The following CA12 variants were observed in gnomAD, a reference collection of about 807,000 sequenced individuals.
CA12 encodes carbonic anhydrase 12, also known as carbonate dehydratase XII.
CA12 carries 36 observed loss-of-function variants against 46.8 expected under a neutral mutation model. The observed-to-expected ratio is 0.77, with a 90% CI of 0.59 to 1.02. The LOEUF is 1.02. Among genes scored for constraint, CA12 ranks in the 50% least tolerant of loss-of-function variants. The probability of loss-of-function intolerance (pLI) is 0.00; values close to 1 mark genes in which losing one functional copy is unlikely to be tolerated. For synonymous variants in CA12, 202 were observed against 187.0 expected, an observed-to-expected ratio of 1.08 and a Z score of -0.65; for missense variants, 436 against 451.4, an observed-to-expected ratio of 0.97 and a Z score of 0.31.
At position 63,329,354 on chromosome 15, in the gene CA12, G is replaced by A. The variant is rs940807526; in HGVS notation, c.875-1224C>T. The stretch of plus-strand genomic sequence containing the variant: ...CCCAGCTACCTAAGTCTCACAGTCA[G>A]CCTACTAGCCACCTCCTGGGGGGAA... On this transcript the variant is annotated intron_variant, in intron 8 of 10. Transcript: ENST00000178638. This position sits in a 1 kb window ranked among gnomAD's most constrained non-coding sequence, Gnocchi z 4.8. 3.3e-5 allele frequency among the ~76,000 whole-genome samples: 5 copies of A among 152,114 alleles called. No homozygotes were observed. Among genetic ancestry groups the A allele is most frequent in the Admixed American group, 3.3e-4 (5 of 15,282 alleles).
At chr15:63,370,640 G>C (rs1452762300) in intron 2 of CA12, among the ~76,000 whole-genome samples, 1 of 151,632 alleles carries the variant, frequency 6.6e-6, no homozygotes, top group Admixed American at 6.6e-5. Flanking sequence ...GGGCGTGGTG[G>C]TGGGTGCCTG....
intron 1 of CA12, among the ~76,000 whole-genome samples, chr15:63,381,190 T>C (rs1429655814): frequency 1.3e-5 from 2 of 152,126 alleles, no homozygotes; most frequent in Non-Finnish European, 2.9e-5. Context: ...AAAGATCCTC[T>C]CCTCCAAAGA....
intron 7 of CA12, 32 bp from the exon 8 acceptor site, chr15:63,338,977 A>G: frequency 6.2e-7 from 1 of 1,613,860 alleles, no homozygotes; most frequent in Non-Finnish European, 8.5e-7. Flanking sequence ...GCCCGCAGGC[A>G]GAATGACCTC....
At chr15:63,367,260 A>G (rs980426753) in intron 2 of CA12, among the ~76,000 whole-genome samples, 1 of 152,206 alleles carries the variant, frequency 6.6e-6, no homozygotes, top group African/African-American at 2.4e-5. Flanking sequence ...AGAAGAATAG[A>G]CATTTGCTCA....
At chr15:63,375,609 C>A (rs954944023) in intron 2 of CA12, 49 bp downstream of exon 2, 2 of 1,217,938 alleles carry the variant, frequency 1.6e-6, no homozygotes, top group African/African-American at 3.0e-5. Context: ...TTAAATACAA[C>A]CATTTCTATT....
At chr15:63,353,437 C>T (rs750159096) in intron 2 of CA12, among the ~76,000 whole-genome samples, 1 of 152,170 alleles carries the variant, frequency 6.6e-6, no homozygotes, top group Non-Finnish European at 1.5e-5. Flanking sequence ...TGGGATCCAT[C>T]CGGCCTCCCT....
At chr15:63,332,892 C>T (rs12908050) in intron 8 of CA12, among the ~76,000 whole-genome samples, 6,646 of 152,278 alleles carry the variant, frequency 0.044, 191 homozygotes, top group Middle Eastern at 0.065. Context: ...AAATGAGTAA[C>T]ACGTCAGTCA....
In CA12 at chr15:63,372,094, C is replaced by T. The variant is rs996425687; in HGVS notation, c.106+3564G>A. Among the ~76,000 whole-genome samples, 11 of 152,212 alleles carry T rather than the reference C, an allele frequency of 7.2e-5. No homozygotes were observed. The highest frequency in any genetic ancestry group is 7.3e-5 in the Non-Finnish European group (5 of 68,036). On this transcript the variant is annotated intron_variant, in intron 2 of 10. Coordinates refer to ENST00000178638, the MANE Select transcript of CA12 (RefSeq NM_001218.5). This position sits in a 1 kb window ranked among gnomAD's most constrained non-coding sequence, Gnocchi z 4.5. ...GCCCACAACCCTTCCTGCCTCCTTC[C>T]GGTCATCTTCATCCCCCACAGGGCA...
intron 2 of CA12, among the ~76,000 whole-genome samples, chr15:63,356,334 C>T (rs1048974361): frequency 6.6e-6 from 1 of 152,010 alleles, no homozygotes; most frequent in East Asian, 1.9e-4. Flanking sequence ...TGGAGGTTGC[C>T]GTAAGCTGAG....
chr15:63,361,517 T>C (rs2039363559), intron 2 of CA12, among the ~76,000 whole-genome samples: 1 of 152,072 alleles, frequency 6.6e-6, no homozygotes. Context: ...CTGCTAAGGA[T>C]CCTGCAATGT....
Position 63,348,426 on chromosome 15 carries a change from C to A in CA12, c.107-1717G>T, listed in dbSNP as rs1465783910. The stretch of plus-strand genomic sequence containing the variant: ...ATTCAGCTGGGGGCCAAACCGAATG[C>A]TTTAGGGGCAGCGGGGAGCAGAATG... On this transcript the variant is annotated intron_variant, in intron 2 of 10. Transcript: ENST00000178638. The surrounding 1 kb of genome is among the most constrained non-coding windows in gnomAD (Gnocchi z 4.6). Among the ~76,000 whole-genome samples the A allele has an allele frequency of 6.6e-6, 1 of 152,118 alleles. No individual in the cohort carries two copies. Among genetic ancestry groups the A allele is most frequent in the African/African-American group, 2.4e-5 (1 of 41,426 alleles).
intron 2 of CA12, among the ~76,000 whole-genome samples, chr15:63,357,219 A>G (rs776566771): frequency 6.6e-6 from 1 of 152,204 alleles, no homozygotes; most frequent in Non-Finnish European, 1.5e-5. Context: ...TGAGTGCACA[A>G]TCAGAATCTC....
rs1236370049 is a variant in CA12 at position 63,355,918 on chromosome 15, TC to T, written c.107-9210del. 6.6e-6 allele frequency among the ~76,000 whole-genome samples: 1 copy of T among 152,180 alleles called. No homozygotes were observed. Among genetic ancestry groups the T allele is most frequent in the East Asian group, 1.9e-4 (1 of 5,194 alleles). On this transcript the variant is annotated intron_variant, in intron 2 of 10. Transcript: ENST00000178638. This position sits in a 1 kb window ranked among gnomAD's most constrained non-coding sequence, Gnocchi z 4.1. ...AATATTCAAATAGGGGGCTCCAGGC[TC>T]AGGCAACGACTGGTAACCATCTCTG... is the stretch of plus-strand genomic sequence containing the variant.
At chr15:63,334,374 G>A (rs150490444) in intron 8 of CA12, among the ~76,000 whole-genome samples, 1 of 145,436 alleles carries the variant, frequency 6.9e-6, no homozygotes, top group African/African-American at 2.6e-5. Flanking sequence ...TCCTGCCTCA[G>A]CCTCCACAGT....
At chr15:63,360,107 G>A (rs1338055828) in intron 2 of CA12, among the ~76,000 whole-genome samples, 1 of 152,132 alleles carries the variant, frequency 6.6e-6, no homozygotes, top group African/African-American at 2.4e-5. Context: ...CATGGATATC[G>A]GCAGAAGACA....
chr15:63,368,766 C>T (rs950037098), intron 2 of CA12, among the ~76,000 whole-genome samples: 1 of 152,248 alleles, frequency 6.6e-6, no homozygotes, highest in Non-Finnish European at 1.5e-5. Flanking sequence ...TTCCTCCTCA[C>T]CTGCCAGCCC....
In CA12 at chr15:63,348,755, G is replaced by A. The variant is rs184758758; in HGVS notation, c.107-2046C>T. ...GAGGGCATTTTACTGATAGCTAAAC[G>A]AGAGCCTCGTGAAGATAGGGACCCC... On this transcript the variant is annotated intron_variant, in intron 2 of 10. Coordinates refer to ENST00000178638, the MANE Select transcript of CA12 (RefSeq NM_001218.5). This position sits in a 1 kb window ranked among gnomAD's most constrained non-coding sequence, Gnocchi z 4.6. Among the ~76,000 whole-genome samples the A allele has an allele frequency of 9.8e-5, 15 of 152,322 alleles. No individual in the cohort carries two copies. The highest frequency in any genetic ancestry group is 2.9e-4 in the African/African-American group (12 of 41,570).
intron 2 of CA12, among the ~76,000 whole-genome samples, chr15:63,368,552 AT>A (rs1182420217): frequency 1.3e-5 from 2 of 152,192 alleles, no homozygotes; most frequent in Non-Finnish European, 2.9e-5. Context: ...TGAAAGATTT[AT>A]TTTGAGCAGG....
rs980545871 is a variant in CA12, at chr15:63,372,473, C to T, written c.106+3185G>A. On this transcript the variant is annotated intron_variant, in intron 2 of 10. Coordinates refer to ENST00000178638, the MANE Select transcript of CA12 (RefSeq NM_001218.5). The surrounding 1 kb of genome is among the most constrained non-coding windows in gnomAD (Gnocchi z 4.5). ...CTATGAGGATGTAGGGGTAGAACTC[C>T]CTTTTTTGTACTTCTAAAAGTCCTA... 2.0e-5 allele frequency among the ~76,000 whole-genome samples: 3 copies of T among 152,298 alleles called. No individual in the cohort carries two copies. In the South Asian group the frequency reaches 6.2e-4, roughly 32 times the overall value.
Sources: gnomAD v4.1 joint callset for allele counts (sites outside exome capture counted in the v4.1 genomes callset) on GRCh38, gnomAD v4.1.1 for gene constraint, Gnocchi (gnomAD v3.1) non-coding constraint, MANE v1.5 for transcripts, NCBI Gene and HGNC (gene_info 2026-07-23, HGNC 2026-07-21) for gene names.